FYB2: variants seen among roughly 807,000 people sequenced by gnomAD.
The protein encoded by FYB2 is FYN binding protein 2.
A neutral mutation model predicts 94.1 loss-of-function variants in FYB2; 103 were observed. The observed-to-expected ratio is 1.09, with a 90% confidence interval of 0.93 to 1.29. The LOEUF is 1.29. Ranked by LOEUF, FYB2 falls within the 50% of genes most tolerant of loss-of-function variation. FYB2 has a pLI of 0.00. For synonymous variants in FYB2, 293 were observed against 287.9 expected, an observed-to-expected ratio of 1.02 and a Z score of -0.18; for missense variants, 896 against 841.5, an observed-to-expected ratio of 1.06 and a Z score of -0.80.
chr1:56,735,205 C>T (rs559208897), intron 15 of FYB2, among the ~76,000 whole-genome samples: 1 of 152,164 alleles, frequency 6.6e-6, no homozygotes, highest in African/African-American at 2.4e-5. Context: ...ATGGAATCAA[C>T]TTAGGTATCC....
chr1:56,759,898 G>A (rs857102), intron 5 of FYB2, among the ~76,000 whole-genome samples: 46,523 of 151,772 alleles, frequency 0.31, 7,424 homozygotes, highest in South Asian at 0.45. Flanking sequence ...CTGGCCAAGA[G>A]AGTGAAACAC....
At chr1:56,797,511 G>A (rs560256098) in intron 1 of FYB2, among the ~76,000 whole-genome samples, 15 of 152,194 alleles carry the variant, frequency 9.9e-5, no homozygotes, top group South Asian at 2.1e-4. Context: ...GAACTACCAC[G>A]CCCAGGCACT....
intron 1 of FYB2, among the ~76,000 whole-genome samples, chr1:56,803,500 A>G (rs1557665513): frequency 6.6e-6 from 1 of 152,240 alleles, no homozygotes; most frequent in Non-Finnish European, 1.5e-5. Flanking sequence ...CTGGTTCAGC[A>G]TGTTGTCTTC....
chr1:56,778,203 T>TCC (rs1171962489), intron 4 of FYB2, among the ~76,000 whole-genome samples: 1 of 152,152 alleles, frequency 6.6e-6, no homozygotes, highest in Non-Finnish European at 1.5e-5. Context: ...CTCACCTCTG[T>TCC]CCCCTTTGGC....
In FYB2 at chr1:56,720,033, A is replaced by G. The variant is rs1644455543; in HGVS notation, c.2154T>C (p.His718=). 1.9e-6 allele frequency: 3 copies of G among 1,601,456 alleles called. No homozygotes were observed. The highest frequency in any genetic ancestry group is 2.6e-6 in the Non-Finnish European group (3 of 1,174,320). Residue 718 remains histidine, a synonymous_variant, in exon 19 of 20, where the codon CAT becomes CAC. Transcript: ENST00000343433. ...ATCAAACAGCTTACTTGAAATCTAG[A>G]TGTTCAATGAGCACATATCCATCTA... The part of the protein sequence containing the change: ...KGKYGYVLIE[H]LDFKHQSWSP
intron 13 of FYB2, 132 bp from the exon 14 acceptor site, chr1:56,738,785 T>C: frequency 1.2e-6 from 1 of 855,396 alleles, no homozygotes; most frequent in East Asian, 2.6e-5. Context: ...TGACTCCAAG[T>C]AAAAATAGTT....
upstream of FYB2, chr1:56,819,693 G>T: frequency 3.0e-6 from 1 of 331,244 alleles, no homozygotes; most frequent in South Asian, 3.6e-5. Context: ...GCTCCTGTTA[G>T]TACAGACCAT....
chr1:56,765,749 A>G (rs1311955443), intron 5 of FYB2, among the ~76,000 whole-genome samples: 1 of 152,178 alleles, frequency 6.6e-6, no homozygotes, highest in Non-Finnish European at 1.5e-5. Context: ...TCACCACCTT[A>G]TCCTTCCTTG....
At chr1:56,770,220 G>A (rs1485282281) in intron 4 of FYB2, among the ~76,000 whole-genome samples, 4 of 152,016 alleles carry the variant, frequency 2.6e-5, no homozygotes, top group African/African-American at 9.7e-5. Flanking sequence ...TTACCATACC[G>A]ACTGAGAAAG....
At chr1:56,728,223 C>T (rs1228356070) in intron 15 of FYB2, among the ~76,000 whole-genome samples, 1 of 152,080 alleles carries the variant, frequency 6.6e-6, no homozygotes, top group Non-Finnish European at 1.5e-5. Flanking sequence ...TTTCTCTCAT[C>T]TTCTTTTGCT....
Position 56,723,687 on chromosome 1 carries a change from A to G in FYB2, c.1881-6T>C, listed in dbSNP as rs759682261. On this transcript the variant is annotated splice_region_variant and splice_polypyrimidine_tract_variant and intron_variant, in intron 16 of 19. Coordinates refer to ENST00000343433, the MANE Select transcript of FYB2 (RefSeq NM_001004303.5). ...AGAAATTTCTAGGAGAGAAACTAGC[A>G]AGAAATGTGCAGGTAGGGTAAAACG... The G allele has an allele frequency of 1.3e-6, 2 of 1,501,842 alleles. No individual in the cohort carries two copies. The highest frequency in any genetic ancestry group is 2.3e-5 in the South Asian group (2 of 86,176). 93.0% of individuals were successfully genotyped at this position (1,501,842 alleles called of 1,614,324 possible).
At chr1:56,747,950 C>T (rs1026911944) in intron 9 of FYB2, among the ~76,000 whole-genome samples, 3 of 151,970 alleles carry the variant, frequency 2.0e-5, no homozygotes, top group East Asian at 1.9e-4. Flanking sequence ...TTCTAACTGG[C>T]GTGAGATGGT....
At chr1:56,719,961 C>T (rs1644454143) in intron 19 of FYB2, 61 bp downstream of exon 19, 1 of 1,467,354 alleles carries the variant, frequency 6.8e-7, no homozygotes, top group South Asian at 1.3e-5. Context: ...TCTCTTGAGA[C>T]TAATGTATAC....
chr1:56,753,511 C>T (rs1443673849), intron 8 of FYB2, among the ~76,000 whole-genome samples: 1 of 152,040 alleles, frequency 6.6e-6, no homozygotes, highest in Non-Finnish European at 1.5e-5. Flanking sequence ...TAGGGCACAA[C>T]GTTTAAGGAA....
intron 6 of FYB2, among the ~76,000 whole-genome samples, chr1:56,757,687 C>CTTCCTTCCTTCCTTCCTTCCTTCT (rs1293394860): frequency 1.7e-4 from 12 of 71,948 alleles, no homozygotes; most frequent in South Asian, 5.9e-4. Flanking sequence ...TCCTTCCTTC[C>CTTCCTTCCTTCCTTCCTTCCTTCT]TTCTTTCTTT....
chr1:56,818,024 A>G lies in FYB2; in HGVS notation c.9+1258T>C, dbSNP rs1264542828. 2.6e-5 allele frequency among the ~76,000 whole-genome samples: 4 copies of G among 152,214 alleles called. No individual in the cohort carries two copies. In the East Asian group the frequency reaches 7.7e-4, roughly 29 times the overall value. ...AGACCACACTGTATTGTCATCAGAT[A>G]AACTGAAATAATGGATGCCAGTGCG... On this transcript the variant is annotated intron_variant, in intron 1 of 19. Transcript: ENST00000343433.
At chr1:56,745,164 G>A (rs1355131844) in intron 9 of FYB2, among the ~76,000 whole-genome samples, 3 of 151,954 alleles carry the variant, frequency 2.0e-5, no homozygotes, top group African/African-American at 7.2e-5. Flanking sequence ...AACACACACA[G>A]TTTCTTCTTA....
At chr1:56,815,380 C>T (rs1343651771) in intron 1 of FYB2, among the ~76,000 whole-genome samples, 1 of 152,178 alleles carries the variant, frequency 6.6e-6, no homozygotes, top group East Asian at 1.9e-4. Context: ...CTTGTGCCTT[C>T]CTCCATCAAT....
At chr1:56,821,788 G>T (rs531387528), upstream of FYB2, among the ~76,000 whole-genome samples, 4 of 152,246 alleles carry the variant, frequency 2.6e-5, no homozygotes, top group South Asian at 6.2e-4. Flanking sequence ...TCCCATAAGT[G>T]GCAGATCCTT....
Sources: gnomAD v4.1 joint callset for allele counts (sites outside exome capture counted in the v4.1 genomes callset) on GRCh38, gnomAD v4.1.1 for gene constraint, MANE v1.5 for transcripts, NCBI Gene and HGNC (gene_info 2026-07-23, HGNC 2026-07-21) for gene names.